Variants in FRMD4A observed in about 807,000 individuals in gnomAD.
The protein encoded by FRMD4A is FERM domain-containing protein 4A.
Under a neutral mutation model 129.1 loss-of-function variants are expected in FRMD4A, and 29 were observed. That is an observed-to-expected ratio of 0.22 (90% CI 0.17 to 0.31). The LOEUF (loss-of-function observed/expected upper bound fraction) is 0.31. FRMD4A is among the 10% of genes least tolerant of loss of function. The pLI is 1.00. For synonymous variants in FRMD4A, 634 were observed against 571.6 expected, an observed-to-expected ratio of 1.11 and a Z score of -1.56; for missense variants, 1,272 against 1,375.8, an observed-to-expected ratio of 0.92 and a Z score of 1.19.
chr10:14,039,395 C>CT (rs1565204509), intron 2 of FRMD4A, among the ~76,000 whole-genome samples: 73 of 140,890 alleles, frequency 5.2e-4, no homozygotes, highest in East Asian at 4.1e-3. Context: ...TCCATCCATC[C>CT]ATCCATCCAT....
At chr10:14,008,073 C>A (rs937348671) in intron 2 of FRMD4A, 2 of 1,303,516 alleles carry the variant, frequency 1.5e-6, no homozygotes, top group African/African-American at 1.5e-5. Context: ...TTCAACGCTG[C>A]GCCTTCTCAG....
intron 2 of FRMD4A, among the ~76,000 whole-genome samples, chr10:14,190,416 G>A (rs1204240628): frequency 6.6e-6 from 1 of 152,134 alleles, no homozygotes; most frequent in Non-Finnish European, 1.5e-5. Context: ...CTGTTGCCCA[G>A]GCTGGAGTGC....
chr10:13,789,096 A>G (rs1406786527), intron 5 of FRMD4A, among the ~76,000 whole-genome samples: 1 of 151,614 alleles, frequency 6.6e-6, no homozygotes, highest in Non-Finnish European at 1.5e-5. Flanking sequence ...AAGAGCCATG[A>G]TAATGAAAGC....
At chr10:14,254,764 C>A (rs1433825606) in intron 2 of FRMD4A, among the ~76,000 whole-genome samples, 2 of 151,636 alleles carry the variant, frequency 1.3e-5, no homozygotes, top group South Asian at 2.1e-4. Flanking sequence ...TGCACATGTA[C>A]CCTAAAACTT....
chr10:14,314,562 C>T (rs1280690531), intron 2 of FRMD4A, among the ~76,000 whole-genome samples: 4 of 152,216 alleles, frequency 2.6e-5, no homozygotes, highest in African/African-American at 7.2e-5. Context: ...TTTACCACTC[C>T]TCCTCTTTCT....
At chr10:13,685,640 TG>T in intron 15 of FRMD4A, 1 of 984,658 alleles carries the variant, frequency 1.0e-6, no homozygotes, top group Non-Finnish European at 1.2e-6. Context: ...GAAACGCTCG[TG>T]GGAAGTGATA....
Position 13,670,429 on chromosome 10 carries a change from G to T in FRMD4A, c.1351C>A (p.Gln451Lys), listed in dbSNP as rs550943041. ...RIGTAFKLDE[Q>K]KILPKGEEAE... The stretch of plus-strand genomic sequence containing the variant: ...ACCTCTCCTTTGGGCAGGATTTTCT[G>T]TTCATCCAGTTTGAAGGCTGTTCCT... Residue 451 changes from glutamine (Q) to lysine (K), a missense_variant, in exon 17 of 25, where the codon CAG becomes AAG. Gln to Lys is a moderately conservative substitution (Grantham distance 53). Coordinates refer to ENST00000357447, the MANE Select transcript of FRMD4A (RefSeq NM_018027.5). 1 of 1,613,476 alleles carries T rather than the reference G, an allele frequency of 6.2e-7. No homozygotes were observed. Among genetic ancestry groups the T allele is most frequent in the South Asian group, 1.1e-5 (1 of 91,052 alleles).
chr10:14,133,246 C>G (rs1246451007), intron 2 of FRMD4A, among the ~76,000 whole-genome samples: 1 of 152,104 alleles, frequency 6.6e-6, no homozygotes, highest in Non-Finnish European at 1.5e-5. Flanking sequence ...AAGAAAATAC[C>G]ACTTTGTTAA....
chr10:13,750,120 G>GAAAGAAAGAAAGAAAGAA (rs2091535534), intron 8 of FRMD4A, among the ~76,000 whole-genome samples: 1 of 133,784 alleles, frequency 7.5e-6, no homozygotes, highest in Admixed American at 7.7e-5. Flanking sequence ...AAGAAAGAAA[G>GAAAGAAAGAAAGAAAGAA]AAAGAAAGAA....
Position 14,213,054 on chromosome 10 carries a change from T to A in FRMD4A, c.45+117004A>T, listed in dbSNP as rs575871946. 5.5e-4 allele frequency among the ~76,000 whole-genome samples: 83 copies of A among 152,058 alleles called. 1 individual carries two copies. Among genetic ancestry groups the A allele is most frequent in the Admixed American group, 1.8e-3 (27 of 15,268 alleles). On this transcript the variant is annotated intron_variant, in intron 2 of 24. Coordinates refer to ENST00000357447, the MANE Select transcript of FRMD4A (RefSeq NM_018027.5). Reference sequence around the variant, plus strand: ...GAGTTTGAAACCAGCTGTGGCAACGTAGTGAGATCCCATCTTTACAAAAAA... The same window carrying A: ...GAGTTTGAAACCAGCTGTGGCAACGAAGTGAGATCCCATCTTTACAAAAAA...
At chr10:14,121,070 C>T (rs773210095) in intron 2 of FRMD4A, among the ~76,000 whole-genome samples, 43 of 152,182 alleles carry the variant, frequency 2.8e-4, no homozygotes, top group African/African-American at 9.9e-4. Context: ...GGGGACTTTG[C>T]TAAAACACAG....
In FRMD4A at chr10:14,039,393, TCC is replaced by T. The variant is rs1205299895; in HGVS notation, c.46-180483_46-180482del. Among the ~76,000 whole-genome samples, 40 of 147,800 alleles carry T rather than the reference TCC, an allele frequency of 2.7e-4. No homozygotes were observed. In the South Asian group the frequency reaches 6.6e-3, roughly 24 times the overall value. On this transcript the variant is annotated intron_variant, in intron 2 of 24. Transcript: ENST00000357447. ...GTCCATCCATCCATCCATCCATCCA[TCC>T]ATCCATCCATCCATCTATCTATCTA...
chr10:14,320,617 T>C (rs761115635), intron 2 of FRMD4A, among the ~76,000 whole-genome samples: 5 of 152,214 alleles, frequency 3.3e-5, no homozygotes, highest in Non-Finnish European at 5.9e-5. Context: ...ATACCATACC[T>C]TCCATGTAGG....
chr10:13,669,098 G>A (rs1209736177), intron 17 of FRMD4A, among the ~76,000 whole-genome samples: 2 of 126,984 alleles, frequency 1.6e-5, no homozygotes, highest in Non-Finnish European at 3.2e-5. Flanking sequence ...CAGGGTCTCT[G>A]TCACCCAGGC....
intron 8 of FRMD4A, among the ~76,000 whole-genome samples, chr10:13,750,109 G>GAAAGAAAGAAAAGAAGAAAGAAAGAAAGA (rs59377985): frequency 1.4e-5 from 1 of 73,578 alleles, no homozygotes; most frequent in Non-Finnish European, 2.6e-5. Flanking sequence ...AGAAAGAAAT[G>GAAAGAAAGAAAAGAAGAAAGAAAGAAAGA]AAGAAAGAAA....
At chr10:13,720,423 G>A (rs971776761) in intron 12 of FRMD4A, among the ~76,000 whole-genome samples, 3 of 152,200 alleles carry the variant, frequency 2.0e-5, no homozygotes, top group African/African-American at 7.2e-5. Flanking sequence ...GAAATTAGCA[G>A]TGGGTCGCAA....
intron 3 of FRMD4A, among the ~76,000 whole-genome samples, chr10:13,843,707 A>T (rs1227101464): frequency 1.4e-4 from 22 of 152,182 alleles, no homozygotes; most frequent in Admixed American, 1.4e-3. Context: ...CATGTTGGCC[A>T]GGCTGGTCTC....
At chr10:14,185,557 CTA>C (rs1842080191) in intron 2 of FRMD4A, among the ~76,000 whole-genome samples, 1 of 152,136 alleles carries the variant, frequency 6.6e-6, no homozygotes, top group Non-Finnish European at 1.5e-5. Context: ...TAAAGCAAGA[CTA>C]TTTAAAGGTT....
Position 13,656,662 on chromosome 10 carries a change from A to G in FRMD4A, c.2927T>C (p.Met976Thr). 6.6e-7 allele frequency: 1 copy of G among 1,504,492 alleles called. No homozygotes were observed. 93.2% of individuals were successfully genotyped at this position (1,504,492 alleles called of 1,614,324 possible). Residue 976 changes from methionine (M) to threonine (T), a missense_variant, in exon 22 of 25, where the codon ATG becomes ACG. By Grantham distance (81) the Met-to-Thr change is moderately conservative. Coordinates refer to ENST00000357447, the MANE Select transcript of FRMD4A (RefSeq NM_018027.5). ...TGACGTGGCCTTGCACATCTGGGGC[A>G]TCCTGGTGACCCTGCTGTGCGCCAC... ...TFVAHSRVTR[M>T]PQMCKATSAA...
Sources: allele counts gnomAD v4.1 joint callset (sites outside exome capture counted in the v4.1 genomes callset), GRCh38; gene constraint gnomAD v4.1.1; transcripts MANE v1.5; gene names NCBI Gene and HGNC (gene_info 2026-07-23, HGNC 2026-07-21).